The following RBFOX3 variants were observed in gnomAD, a reference collection of about 807,000 sequenced individuals.
RBFOX3 encodes the protein RNA binding protein fox-1 homolog 3.
A neutral mutation model predicts 48.7 loss-of-function variants in RBFOX3; 17 were observed. The ratio of observed to expected loss-of-function variants is 0.35; its 90% CI spans 0.24 to 0.52. The LOEUF is 0.52. RBFOX3 is among the 20% of genes least tolerant of loss of function. The pLI, the probability that RBFOX3 is intolerant of heterozygous loss-of-function variation, is 0.94. For missense variants in RBFOX3, 382 were observed against 497.5 expected, an observed-to-expected ratio of 0.77 and a Z score of 2.21; for synonymous variants, 212 against 209.5, an observed-to-expected ratio of 1.01 and a Z score of -0.10.
the RBFOX3 span, among the ~76,000 whole-genome samples, chr17:79,622,040 A>T: frequency 1.3e-5 from 2 of 152,234 alleles, 1 homozygote; most frequent in Admixed American, 1.3e-4. Context: ...CATTCTCCTT[A>T]GTTCAAGATC....
the RBFOX3 span, among the ~76,000 whole-genome samples, chr17:79,664,008 G>A: frequency 6.0e-4 from 91 of 152,132 alleles, no homozygotes; most frequent in African/African-American, 7.2e-4. Context: ...AGGTCCCGAC[G>A]AGCAGGCCTC....
intron 3 of RBFOX3, among the ~76,000 whole-genome samples, chr17:79,245,443 A>G (rs1156944396): frequency 6.6e-6 from 1 of 151,470 alleles, no homozygotes; most frequent in Non-Finnish European, 1.5e-5. Context: ...TTGTGGTAAA[A>G]TGCCCATAAT....
chr17:79,620,493 A>G, the RBFOX3 span, among the ~76,000 whole-genome samples: 7 of 134,220 alleles, frequency 5.2e-5, no homozygotes, highest in South Asian at 2.2e-4. Context: ...ACGTGCACAC[A>G]CGCGCACACA....
At chr17:79,152,666 G>A (rs1398913062) in intron 4 of RBFOX3, among the ~76,000 whole-genome samples, 1 of 152,206 alleles carries the variant, frequency 6.6e-6, no homozygotes, top group African/African-American at 2.4e-5. Flanking sequence ...GGAAAGAGAG[G>A]GAAAGAACAA....
intron 8 of RBFOX3, among the ~76,000 whole-genome samples, chr17:79,101,858 T>C (rs1446454529): frequency 6.6e-6 from 1 of 152,088 alleles, no homozygotes; most frequent in Admixed American, 6.5e-5. Flanking sequence ...GACCCAGGCC[T>C]GCTGGCCTGT....
chr17:79,271,320 T>A (rs957827221), intron 3 of RBFOX3, among the ~76,000 whole-genome samples: 1 of 152,156 alleles, frequency 6.6e-6, no homozygotes, highest in African/African-American at 2.4e-5. Flanking sequence ...AGATGATCCA[T>A]GTGTCTTGGC....
At chr17:79,508,300 G>C (rs2083477646) in intron 1 of RBFOX3, among the ~76,000 whole-genome samples, 1 of 152,172 alleles carries the variant, frequency 6.6e-6, no homozygotes, top group South Asian at 2.1e-4. Context: ...GGGAGGCTTA[G>C]TGGCTGGTGA....
chr17:79,168,238 TC>T (rs1324766365), intron 4 of RBFOX3, among the ~76,000 whole-genome samples: 1 of 152,050 alleles, frequency 6.6e-6, no homozygotes, highest in Admixed American at 6.5e-5. Context: ...CATGGGTGGG[TC>T]CCCCACTGGG....
intron 2 of RBFOX3, among the ~76,000 whole-genome samples, chr17:79,340,503 G>A (rs2081919304): frequency 6.6e-6 from 1 of 152,152 alleles, no homozygotes; most frequent in South Asian, 2.1e-4. Context: ...GATGGAGTGT[G>A]TTCCCCTCCA....
chr17:79,326,538 T>C (rs946388945), intron 2 of RBFOX3, among the ~76,000 whole-genome samples: 18 of 152,180 alleles, frequency 1.2e-4, no homozygotes, highest in African/African-American at 4.3e-4. Context: ...TCTTACTTTA[T>C]AGGTGAGAGA....
chr17:79,437,191 G>A (rs892835309), intron 2 of RBFOX3, among the ~76,000 whole-genome samples: 7 of 152,224 alleles, frequency 4.6e-5, no homozygotes, highest in South Asian at 2.1e-4. Flanking sequence ...CACCCCCCAG[G>A]AGCCCCCCTG....
intron 1 of RBFOX3, among the ~76,000 whole-genome samples, chr17:79,607,552 G>A (rs1410770422): frequency 6.6e-6 from 1 of 152,156 alleles, no homozygotes; most frequent in Non-Finnish European, 1.5e-5. Context: ...CTTCTGGGAG[G>A]GATAGGAGCG....
At chr17:79,113,198 C>T (rs948302690) in intron 5 of RBFOX3, among the ~76,000 whole-genome samples, 6 of 152,068 alleles carry the variant, frequency 3.9e-5, no homozygotes, top group African/African-American at 7.2e-5. Context: ...AGGCGTTCGG[C>T]CTTCAGCTGT....
chr17:79,612,438 G>A (rs901327457), upstream of RBFOX3, among the ~76,000 whole-genome samples: 1 of 152,112 alleles, frequency 6.6e-6, no homozygotes, highest in Non-Finnish European at 1.5e-5. Context: ...TATGGATTTG[G>A]AGCTTCTCGG....
At chr17:79,426,641 T>G (rs576899685) in intron 2 of RBFOX3, among the ~76,000 whole-genome samples, 2 of 152,268 alleles carry the variant, frequency 1.3e-5, no homozygotes, top group South Asian at 4.2e-4. Flanking sequence ...CCCACCTCAT[T>G]TCCAAATTTT....
At chr17:79,592,712 C>T (rs1387268083) in intron 1 of RBFOX3, among the ~76,000 whole-genome samples, 1 of 152,188 alleles carries the variant, frequency 6.6e-6, no homozygotes, top group Non-Finnish European at 1.5e-5. Context: ...GGGACAGCCA[C>T]TCCCAAGGTG....
At chr17:79,593,839 C>T (rs2093491498) in intron 1 of RBFOX3, among the ~76,000 whole-genome samples, 1 of 152,142 alleles carries the variant, frequency 6.6e-6, no homozygotes, top group Non-Finnish European at 1.5e-5. Context: ...TCCCAAGGGC[C>T]AGGAGAGGAA....
intron 2 of RBFOX3, among the ~76,000 whole-genome samples, chr17:79,373,411 G>A (rs2058814867): frequency 6.6e-6 from 1 of 152,210 alleles, no homozygotes; most frequent in Admixed American, 6.5e-5. Flanking sequence ...CATGTCACGT[G>A]CTCAGAGCCT....
intron 4 of RBFOX3, among the ~76,000 whole-genome samples, chr17:79,207,423 G>A (rs117751342): frequency 0.016 from 2,506 of 152,350 alleles, 35 homozygotes; most frequent in Non-Finnish European, 0.027. Flanking sequence ...AGGGAGCTAC[G>A]GTCAGAGGTG....
Sources: gnomAD v4.1 joint callset for allele counts (sites outside exome capture counted in the v4.1 genomes callset) on GRCh38, gnomAD v4.1.1 for gene constraint, MANE v1.5 for transcripts, NCBI Gene and HGNC (gene_info 2026-07-23, HGNC 2026-07-21) for gene names.